CNTN5: variants seen among roughly 807,000 people sequenced by gnomAD.
CNTN5 encodes contactin 5.
A neutral mutation model predicts 129.1 loss-of-function variants in CNTN5; 77 were observed. The ratio of observed to expected loss-of-function variants is 0.60; its 90% CI spans 0.50 to 0.72. The LOEUF is 0.72. Ranked by LOEUF, CNTN5 falls within the 30% of genes least tolerant of loss-of-function variation. The pLI, the probability that CNTN5 is intolerant of heterozygous loss-of-function variation, is 0.00. For synonymous variants in CNTN5, 509 were observed against 465.6 expected (o/e 1.09, Z -1.20); for missense variants, 1,478 against 1,328.8 (o/e 1.11, Z -1.75).
intron 3 of CNTN5, among the ~76,000 whole-genome samples, chr11:99,776,260 G>A (rs909519613): frequency 6.6e-6 from 1 of 151,988 alleles, no homozygotes; most frequent in Non-Finnish European, 1.5e-5. Flanking sequence ...TCCTGTAGGA[G>A]TACAGAGAAG....
intron 1 of CNTN5, among the ~76,000 whole-genome samples, chr11:99,124,300 G>A (rs1484308279): frequency 4.6e-5 from 7 of 151,888 alleles, no homozygotes; most frequent in Non-Finnish European, 1.0e-4. Flanking sequence ...ATTGTGAATG[G>A]GATTATTTTC....
chr11:100,327,567 A>T (rs1951816089), intron 21 of CNTN5, among the ~76,000 whole-genome samples: 1 of 152,192 alleles, frequency 6.6e-6, no homozygotes, highest in Non-Finnish European at 1.5e-5. Flanking sequence ...ACCTCTGATC[A>T]AAACCCGAGT....
chr11:100,001,706 G>A (rs1434021108), intron 8 of CNTN5, among the ~76,000 whole-genome samples: 2 of 152,100 alleles, frequency 1.3e-5, no homozygotes, highest in Non-Finnish European at 2.9e-5. Flanking sequence ...AGAAAATTTT[G>A]ATAACTTTTC....
chr11:100,150,522 C>A (rs1051017806), intron 13 of CNTN5, among the ~76,000 whole-genome samples: 4 of 138,892 alleles, frequency 2.9e-5, no homozygotes, highest in Non-Finnish European at 6.3e-5. Flanking sequence ...ACTGATTTGT[C>A]AGTTAATCTA....
At chr11:99,993,665 C>T (rs1383966839) in intron 8 of CNTN5, among the ~76,000 whole-genome samples, 1 of 152,096 alleles carries the variant, frequency 6.6e-6, no homozygotes, top group Non-Finnish European at 1.5e-5. Context: ...TGCTCACTTA[C>T]CGGCCTCTCA....
At chr11:100,037,547 C>T (rs1330321381) in intron 9 of CNTN5, among the ~76,000 whole-genome samples, 5 of 151,994 alleles carry the variant, frequency 3.3e-5, no homozygotes, top group African/African-American at 1.2e-4. Context: ...GGAATGGTAC[C>T]AGCTCCTCCT....
At chr11:99,624,672 G>A (rs1460192872) in intron 3 of CNTN5, among the ~76,000 whole-genome samples, 1 of 152,136 alleles carries the variant, frequency 6.6e-6, no homozygotes, top group Non-Finnish European at 1.5e-5. Context: ...ATTTGAGAAA[G>A]CATAACATGG....
At chr11:99,857,864 T>A (rs927295778) in intron 6 of CNTN5, among the ~76,000 whole-genome samples, 2 of 152,182 alleles carry the variant, frequency 1.3e-5, no homozygotes, top group Non-Finnish European at 2.9e-5. Context: ...AAAAGTTTCC[T>A]ATCCGTTTCA....
intron 1 of CNTN5, among the ~76,000 whole-genome samples, chr11:99,080,568 G>T (rs1865750766): frequency 6.6e-6 from 1 of 152,148 alleles, no homozygotes; most frequent in Non-Finnish European, 1.5e-5. Context: ...GTTTTTCTCA[G>T]TATGAGGAAA....
At position 99,738,304 on chromosome 11, in the gene CNTN5, C is replaced by G. The variant is rs1352795943; in HGVS notation, c.56-81240C>G. On this transcript the variant is annotated intron_variant, in intron 3 of 24. Coordinates refer to ENST00000524871, the MANE Select transcript of CNTN5 (RefSeq NM_014361.4). ...CAGACACAGTGAGGAGGTGGCCACC[C>G]ACAAGCTAAGCAGAGAGGTTTCAGA... is the stretch of plus-strand genomic sequence containing the variant. Among the ~76,000 whole-genome samples, 3 of 152,224 alleles carry G rather than the reference C, an allele frequency of 2.0e-5. No individual in the cohort carries two copies. In the East Asian group the frequency reaches 5.8e-4, roughly 29 times the overall value.
At chr11:100,261,928 A>G (rs1260987042) in intron 17 of CNTN5, among the ~76,000 whole-genome samples, 2 of 152,244 alleles carry the variant, frequency 1.3e-5, no homozygotes, top group East Asian at 1.9e-4. Context: ...CAATGGCAAC[A>G]AAAGCCAAAA....
intron 1 of CNTN5, among the ~76,000 whole-genome samples, chr11:99,237,680 A>G (rs1172853241): frequency 6.7e-6 from 1 of 150,238 alleles, no homozygotes; most frequent in East Asian, 2.1e-4. Flanking sequence ...ACTCTGTCTC[A>G]AAAAGAAAAA....
intron 7 of CNTN5, among the ~76,000 whole-genome samples, chr11:99,926,761 A>C (rs1950072253): frequency 6.6e-6 from 1 of 152,120 alleles, no homozygotes; most frequent in African/African-American, 2.4e-5. Flanking sequence ...ACTATATATT[A>C]AATTACATAA....
At chr11:99,541,700 A>G (rs536366746) in intron 2 of CNTN5, among the ~76,000 whole-genome samples, 2 of 152,160 alleles carry the variant, frequency 1.3e-5, no homozygotes, top group Non-Finnish European at 2.9e-5. Flanking sequence ...TGTAATCCCA[A>G]CACTATGGGA....
intron 1 of CNTN5, among the ~76,000 whole-genome samples, chr11:99,072,765 T>C (rs1264926420): frequency 6.6e-6 from 1 of 152,144 alleles, no homozygotes; most frequent in Non-Finnish European, 1.5e-5. Flanking sequence ...TGCGCAAATC[T>C]TAAGTGTACC....
intron 1 of CNTN5, among the ~76,000 whole-genome samples, chr11:99,293,103 T>C (rs1388972582): frequency 1.1e-5 from 1 of 92,172 alleles, no homozygotes; most frequent in African/African-American, 4.4e-5. Context: ...GTGCCTTATA[T>C]ACCCAGTTGG....
intron 4 of CNTN5, among the ~76,000 whole-genome samples, chr11:99,834,399 G>A (rs927951438): frequency 6.6e-6 from 1 of 152,116 alleles, no homozygotes; most frequent in Non-Finnish European, 1.5e-5. Flanking sequence ...AGTGGCTTAT[G>A]CCTGTAATTG....
intron 1 of CNTN5, among the ~76,000 whole-genome samples, chr11:99,286,692 C>A (rs73536875): frequency 0.017 from 2,574 of 152,050 alleles, 82 homozygotes; most frequent in African/African-American, 0.059. Flanking sequence ...TTTCCTGGAG[C>A]TAAATGGAAT....
At chr11:99,491,132 T>G (rs1237217896) in intron 2 of CNTN5, among the ~76,000 whole-genome samples, 1 of 152,110 alleles carries the variant, frequency 6.6e-6, no homozygotes, top group African/African-American at 2.4e-5. Context: ...TCCTTTAGTT[T>G]CCAAGCAAAG....
Sources: gnomAD v4.1 joint callset for allele counts (sites outside exome capture counted in the v4.1 genomes callset) on GRCh38, gnomAD v4.1.1 for gene constraint, MANE v1.5 for transcripts, NCBI Gene and HGNC (gene_info 2026-07-23, HGNC 2026-07-21) for gene names.